CCDC32: variants seen among roughly 807,000 people sequenced by gnomAD.
CCDC32 encodes coiled-coil domain-containing protein 32.
In CCDC32, 9 loss-of-function variants were observed where a neutral mutation model predicts 20.1. That is an observed-to-expected ratio of 0.45 (90% confidence interval 0.27 to 0.78). The LOEUF (loss-of-function observed/expected upper bound fraction) is 0.78, where lower values mean the gene tolerates loss of function less well. Among genes scored for constraint, CCDC32 ranks in the 30% least tolerant of loss-of-function variants. The pLI is 0.16. For synonymous variants in CCDC32, 63 were observed against 79.0 expected, an observed-to-expected ratio of 0.80 and a Z score of 1.07; for missense variants, 204 against 215.5, an observed-to-expected ratio of 0.95 and a Z score of 0.33.
chr15:40,554,043 C>G lies in CCDC32; in HGVS notation c.486G>C (p.Glu162Asp). ...CGGCCACTGGCTTCTCAACCTGTGA[C>G]TCTGGAGGAATCAGATACTGGACCT... is the stretch of plus-strand genomic sequence containing the variant. ...TEEVQYLIPP[E>D]SQVEKPVAED... The change falls in exon 4 of 4, where the codon GAG becomes GAC. Residue 162 changes from glutamate (E) to aspartate (D), a missense_variant. Glu to Asp is a conservative substitution (Grantham distance 45, BLOSUM62 2). Transcript: ENST00000416810. 1 of 1,613,792 alleles carries G rather than the reference C, an allele frequency of 6.2e-7. No individual in the cohort carries two copies. Among genetic ancestry groups the G allele is most frequent in the African/African-American group, 1.3e-5 (1 of 74,904 alleles).
In CCDC32 at chr15:40,553,374, G is replaced by A. The variant is rs1889998681; in HGVS notation, c.*597C>T. ...ATTTTCACACTTCTTTTGCCCATTT[G>A]TTCCACAAGGAACAAATGAGAGAAA... On this transcript the variant is annotated 3_prime_UTR_variant, in exon 4 of 4. Coordinates refer to ENST00000416810, the MANE Select transcript of CCDC32 (RefSeq NM_001080792.4). The A allele has an allele frequency of 3.0e-6, 3 of 985,352 alleles. No individual in the cohort carries two copies. The highest frequency in any genetic ancestry group is 3.6e-6 in the Non-Finnish European group (3 of 829,932). 61.0% of individuals were successfully genotyped at this position (985,352 alleles called of 1,614,324 possible). A position where few individuals can be genotyped will look rare whatever the true frequency, so the allele number is the denominator to read the frequency against.
At position 40,553,996 on chromosome 15, in the gene CCDC32, TC is replaced by T. The variant is rs757570848; in HGVS notation, c.532del (p.Asp178ThrfsTer85). 8 of 1,607,722 alleles carry T rather than the reference TC, an allele frequency of 5.0e-6. No homozygotes were observed. The South Asian group carries it at 8.8e-5, about 18-fold the overall frequency. On this transcript the variant is annotated frameshift_variant, in exon 4 of 4. Coordinates refer to ENST00000416810, the MANE Select transcript of CCDC32 (RefSeq NM_001080792.4). LOFTEE classifies it high-confidence loss of function. Reference protein sequence around the residue: ...PVAEDEPAAGDKPAAAEQ With the variant: ...PVAEDEPAAGXKPAAAEQ ...TTACTGTTCTGCTGCTGCTGGCTTG[TC>T]CCCGGCTGCTGGCTCGTCCTCGGCC...
the CCDC32 span, among the ~76,000 whole-genome samples, chr15:40,523,635 T>C: frequency 3.3e-5 from 5 of 152,206 alleles, no homozygotes; most frequent in South Asian, 1.0e-3. Flanking sequence ...TTTTGAATTA[T>C]AAAAGTAAAT....
At chr15:40,564,679 C>T (rs1405540734) in intron 1 of CCDC32, 7 of 1,575,600 alleles carry the variant, frequency 4.4e-6, no homozygotes, top group African/African-American at 1.3e-5. Context: ...TATGACACGG[C>T]GGTCCTGGGT....
intron 3 of CCDC32, among the ~76,000 whole-genome samples, chr15:40,546,228 G>A (rs1889613099): frequency 6.9e-6 from 1 of 144,134 alleles, no homozygotes; most frequent in African/African-American, 2.6e-5. Context: ...GTCTCACCCT[G>A]TCACCCAGGC....
chr15:40,525,104 C>T (rs1036516501), downstream of CCDC32, among the ~76,000 whole-genome samples: 2 of 151,502 alleles, frequency 1.3e-5, no homozygotes, highest in African/African-American at 4.9e-5. Flanking sequence ...AATCTCAACT[C>T]ACCGCAACCT....
chr15:40,521,618 T>G, the CCDC32 span, among the ~76,000 whole-genome samples: 2 of 152,180 alleles, frequency 1.3e-5, no homozygotes, highest in African/African-American at 4.8e-5. Context: ...TGTATGAGGG[T>G]TCCAGTTTCT....
rs191322784 is a variant in CCDC32 at position 40,541,666 on chromosome 15, C to A, written c.402-2311G>T. ...ATGTCTCCTCAGAGTGATCCCAGGG[C>A]GACAGCCCTAACTACCCACAGTGGA... is the stretch of plus-strand genomic sequence containing the variant. On this transcript the variant is annotated intron_variant, in intron 3 of 3. Transcript: ENST00000558113. Among the ~76,000 whole-genome samples, 476 of 152,274 alleles carry A rather than the reference C, an allele frequency of 3.1e-3. 1 individual carries two copies. The highest frequency in any genetic ancestry group is 5.5e-3 in the Non-Finnish European group (371 of 68,006).
intron 3 of CCDC32, among the ~76,000 whole-genome samples, chr15:40,529,253 G>T (rs1888808668): frequency 6.6e-6 from 1 of 152,208 alleles, no homozygotes; most frequent in African/African-American, 2.4e-5. Flanking sequence ...GATGACAGAG[G>T]TCCGAAGAAT....
intron 3 of CCDC32, chr15:40,528,801 AAAGAG>A: frequency 1.4e-6 from 1 of 698,522 alleles, no homozygotes; most frequent in Non-Finnish European, 2.6e-6. Context: ...CTATTAAAAA[AAAGAG>A]AAGAAAAGAA....
chr15:40,549,248 C>T (rs1228809515), downstream of CCDC32, among the ~76,000 whole-genome samples: 1 of 152,160 alleles, frequency 6.6e-6, no homozygotes, highest in Non-Finnish European at 1.5e-5. Context: ...TCCTTCACAC[C>T]TGGCCTTGTT....
At chr15:40,521,735 C>T in the CCDC32 span, among the ~76,000 whole-genome samples, 1 of 152,164 alleles carries the variant, frequency 6.6e-6, no homozygotes, top group Non-Finnish European at 1.5e-5. Flanking sequence ...TCCATGATGG[C>T]TAGTGGCCAT....
downstream of CCDC32, chr15:40,537,939 G>C (rs1370975352): frequency 2.0e-5 from 3 of 152,218 alleles, no homozygotes; most frequent in Admixed American, 1.3e-4. Flanking sequence ...GATAGAGTAA[G>C]ACTCCGCCTC....
downstream of CCDC32, chr15:40,538,253 C>T (rs967838685): frequency 6.6e-6 from 1 of 152,150 alleles, no homozygotes; most frequent in African/African-American, 2.4e-5. Flanking sequence ...AATAAGAAGA[C>T]CACATTTTTT....
At chr15:40,522,801 G>A in the CCDC32 span, among the ~76,000 whole-genome samples, 2 of 150,582 alleles carry the variant, frequency 1.3e-5, no homozygotes, top group African/African-American at 4.9e-5. Flanking sequence ...ACTCAGAGGT[G>A]CTGCCACAGG....
downstream of CCDC32, chr15:40,536,723 C>T (rs11857247): frequency 0.35 from 53,122 of 152,180 alleles, 9,414 homozygotes; most frequent in Middle Eastern, 0.4. Context: ...ACTGCAAGAA[C>T]AAGTACTCAA....
chr15:40,541,579 G>A (rs1045434618), intron 3 of CCDC32, among the ~76,000 whole-genome samples: 7 of 152,100 alleles, frequency 4.6e-5, no homozygotes, highest in Non-Finnish European at 7.4e-5. Flanking sequence ...TGATCCACCC[G>A]CCTCAGCCTC....
At chr15:40,563,509 A>C (rs61668695) in intron 1 of CCDC32, among the ~76,000 whole-genome samples, 4,783 of 152,202 alleles carry the variant, frequency 0.031, 236 homozygotes, top group African/African-American at 0.11. Flanking sequence ...GGGGGCTGGG[A>C]GGTAGAAAGA....
intron 3 of CCDC32, among the ~76,000 whole-genome samples, chr15:40,543,164 GAA>G (rs999274600): frequency 9.9e-5 from 15 of 151,226 alleles, no homozygotes; most frequent in Non-Finnish European, 1.8e-4. Context: ...AAATGGAAAA[GAA>G]AGAGAAAAAA....
Sources: allele counts gnomAD v4.1 joint callset (sites outside exome capture counted in the v4.1 genomes callset), GRCh38; gene constraint gnomAD v4.1.1; transcripts MANE v1.5; gene names NCBI Gene and HGNC (gene_info 2026-07-23, HGNC 2026-07-21).